DMD: variants seen among roughly 807,000 people sequenced by gnomAD.
DMD encodes the protein dystrophin.
Under a neutral mutation model 330.1 loss-of-function variants are expected in DMD, and 63 were observed. That is an observed-to-expected ratio of 0.19 (90% CI 0.16 to 0.24). The LOEUF (loss-of-function observed/expected upper bound fraction) is 0.24. Among genes scored for constraint, DMD ranks in the 10% least tolerant of loss-of-function variants. The pLI is 1.00. For missense variants in DMD, 3,344 were observed against 2,684.1 expected, an observed-to-expected ratio of 1.25 and a Z score of -5.43; for synonymous variants, 1,223 against 959.8, an observed-to-expected ratio of 1.27 and a Z score of -5.07.
At chrX:31,558,572 T>C (rs2074992277) in intron 55 of DMD, among the ~76,000 whole-genome samples, 1 of 111,128 alleles carries the variant, frequency 9.0e-6, no homozygotes, top group African/African-American at 3.3e-5. Flanking sequence ...CACATAAGTA[T>C]GTAATTATAA....
At chrX:33,334,464 A>G (rs1603431182) in intron 1 of DMD, among the ~76,000 whole-genome samples, 1 of 111,393 alleles carries the variant, frequency 9.0e-6, no homozygotes, top group Non-Finnish European at 1.9e-5. Flanking sequence ...GATAGTAAAT[A>G]TTCCTGCTTT....
At chrX:32,789,579 A>G (rs971806532) in intron 7 of DMD, among the ~76,000 whole-genome samples, 3 of 112,174 alleles carry the variant, frequency 2.7e-5, no homozygotes, top group African/African-American at 9.7e-5. Context: ...CTTGTGAGAA[A>G]TAACACGGAC....
At chrX:31,915,848 T>C (rs185798360) in intron 47 of DMD, among the ~76,000 whole-genome samples, 7 of 111,952 alleles carry the variant, frequency 6.3e-5, no homozygotes, top group African/African-American at 1.9e-4. Context: ...AGAAACTTAA[T>C]AGATTGCAAG....
intron 61 of DMD, among the ~76,000 whole-genome samples, chrX:31,333,922 G>C (rs2057279725): frequency 9.0e-6 from 1 of 110,793 alleles, no homozygotes; most frequent in Non-Finnish European, 1.9e-5. Context: ...AACTGGAAAG[G>C]GAGATATTCA....
chrX:31,140,363 T>A (rs1444044528), intron 76 of DMD, among the ~76,000 whole-genome samples: 1 of 112,423 alleles, frequency 8.9e-6, no homozygotes, highest in Non-Finnish European at 1.9e-5. Context: ...TTTTTTCTCA[T>A]AAAGGGGGCT....
chrX:31,626,914 T>C (rs1318619773), intron 55 of DMD, among the ~76,000 whole-genome samples: 1 of 111,772 alleles, frequency 8.9e-6, no homozygotes, highest in Admixed American at 9.6e-5. Flanking sequence ...CTAGTAAAGT[T>C]ATTATATCAA....
intron 43 of DMD, among the ~76,000 whole-genome samples, chrX:32,279,890 T>A (rs1280871105): frequency 9.5e-6 from 1 of 105,683 alleles, no homozygotes; most frequent in Non-Finnish European, 1.9e-5. Context: ...GATACTTGCA[T>A]GCCTATATCA....
intron 44 of DMD, among the ~76,000 whole-genome samples, chrX:32,142,337 C>T (rs1007615595): frequency 8.9e-6 from 1 of 112,121 alleles, no homozygotes; most frequent in African/African-American, 3.2e-5. Context: ...TCCTTCCTCA[C>T]CAACCTTTAC....
chrX:32,518,727 T>TG (rs1472129061), intron 17 of DMD, among the ~76,000 whole-genome samples: 1 of 110,771 alleles, frequency 9.0e-6, no homozygotes, highest in Non-Finnish European at 1.9e-5. Flanking sequence ...TAAGGAAACT[T>TG]GATCTGTCCA....
At chrX:31,310,176 CCTCTCTCTCTCT>C (rs3032536) in intron 62 of DMD, among the ~76,000 whole-genome samples, 1 of 91,543 alleles carries the variant, frequency 1.1e-5, no homozygotes, top group Admixed American at 1.2e-4. Flanking sequence ...TCTTCGTTGT[CCTCTCTCTCTCT>C]CTCTCTCTCT....
chrX:32,824,387 C>T (rs2078522996), intron 4 of DMD, among the ~76,000 whole-genome samples: 1 of 112,099 alleles, frequency 8.9e-6, no homozygotes, highest in East Asian at 2.8e-4. Context: ...AACCATAGTA[C>T]AGCCACACCA....
At chrX:33,225,192 A>G (rs2052263581) in intron 1 of DMD, among the ~76,000 whole-genome samples, 1 of 111,756 alleles carries the variant, frequency 8.9e-6, no homozygotes, top group African/African-American at 3.2e-5. Flanking sequence ...AGGTGTAGGA[A>G]AAATTTATGT....
At chrX:31,807,878 TTATA>T (rs1273357149) in intron 50 of DMD, among the ~76,000 whole-genome samples, 1 of 111,771 alleles carries the variant, frequency 8.9e-6, no homozygotes, top group Non-Finnish European at 1.9e-5. Context: ...GGCATGAACT[TTATA>T]AAGACTCAGG....
At chrX:32,027,183 C>CACACACACACACACACACAG (rs774715155) in intron 44 of DMD, among the ~76,000 whole-genome samples, 3 of 97,502 alleles carry the variant, frequency 3.1e-5, no homozygotes, top group Non-Finnish European at 4.1e-5. Flanking sequence ...CACACACACA[C>CACACACACACACACACACAG]AGAGAGAGAG....
intron 44 of DMD, among the ~76,000 whole-genome samples, chrX:32,142,077 A>G (rs2096756399): frequency 9.0e-6 from 1 of 111,260 alleles, no homozygotes; most frequent in Non-Finnish European, 1.9e-5. Context: ...GGAAACAGAA[A>G]CAAGGAGCTG....
chrX:32,953,380 C>T (rs918349123), intron 2 of DMD, among the ~76,000 whole-genome samples: 6 of 110,950 alleles, frequency 5.4e-5, no homozygotes, highest in African/African-American at 1.3e-4. Context: ...GTCATACATA[C>T]GTAAAATAGT....
intron 11 of DMD, among the ~76,000 whole-genome samples, chrX:32,633,622 A>G (rs1378318192): frequency 1.8e-5 from 2 of 112,110 alleles, no homozygotes; most frequent in Non-Finnish European, 3.8e-5. Flanking sequence ...TCGCATTGCT[A>G]TCAAGAAATA....
intron 43 of DMD, among the ~76,000 whole-genome samples, chrX:32,264,010 A>C (rs2097334062): frequency 8.9e-6 from 1 of 111,843 alleles, no homozygotes; most frequent in Non-Finnish European, 1.9e-5. Context: ...CAATTCATAG[A>C]TCTTAAAGGC....
intron 7 of DMD, among the ~76,000 whole-genome samples, chrX:32,740,409 T>C (rs968941105): frequency 1.8e-5 from 2 of 110,420 alleles, no homozygotes. Flanking sequence ...ATGGTATCTA[T>C]GGAAGAGGAA....
Sources: allele counts gnomAD v4.1 joint callset (sites outside exome capture counted in the v4.1 genomes callset), GRCh38; gene constraint gnomAD v4.1.1; transcripts MANE v1.5; gene names NCBI Gene and HGNC (gene_info 2026-07-23, HGNC 2026-07-21).